Variants in ILDR2 observed in about 807,000 individuals in gnomAD.
ILDR2 encodes the protein immunoglobulin like domain containing receptor 2, also known as immunoglobulin-like domain-containing receptor 2.
A neutral mutation model predicts 66.8 loss-of-function variants in ILDR2; 25 were observed. The ratio of observed to expected loss-of-function variants is 0.37; its 90% CI spans 0.27 to 0.52. The LOEUF is 0.52. Among genes scored for constraint, ILDR2 ranks in the 20% least tolerant of loss-of-function variants. ILDR2 has a pLI of 0.88. For synonymous variants in ILDR2, 367 were observed against 357.2 expected, an observed-to-expected ratio of 1.03 and a Z score of -0.31; for missense variants, 827 against 876.8, an observed-to-expected ratio of 0.94 and a Z score of 0.72.
chr1:166,961,496 G>C (rs1662612454), intron 1 of ILDR2, among the ~76,000 whole-genome samples: 1 of 152,164 alleles, frequency 6.6e-6, no homozygotes, highest in African/African-American at 2.4e-5. Context: ...GATACTTAAA[G>C]GCATGGATTT....
At chr1:166,928,558 G>A (rs1226405161) in intron 6 of ILDR2, among the ~76,000 whole-genome samples, 4 of 152,122 alleles carry the variant, frequency 2.6e-5, no homozygotes, top group Non-Finnish European at 4.4e-5. Context: ...TCCCAAAGTG[G>A]GGCAAACACC....
Position 166,912,635 on chromosome 1 carries a change from A to G in ILDR2, c.*6720T>C, listed in dbSNP as rs1324938459. On this transcript the variant is annotated 3_prime_UTR_variant, in exon 10 of 10. Coordinates refer to ENST00000271417, the MANE Select transcript of ILDR2 (RefSeq NM_199351.3). ...TTGAGCCCAGATGCTTCAAGCAAAAACAGATTTTCTGCTTGACAAGGCCAC... is the reference window on the plus strand; with the variant it reads ...TTGAGCCCAGATGCTTCAAGCAAAAGCAGATTTTCTGCTTGACAAGGCCAC... 4 of 152,198 alleles carry G rather than the reference A, an allele frequency of 2.6e-5. No homozygotes were observed. Among genetic ancestry groups the G allele is most frequent in the Non-Finnish European group, 2.9e-5 (2 of 68,030 alleles). 9.4% of individuals were successfully genotyped at this position (152,198 alleles called of 1,614,324 possible).
At position 166,909,160 on chromosome 1, in the gene ILDR2, G is replaced by C. The variant is rs74651046; in HGVS notation, c.*10195C>G. On this transcript the variant is annotated 3_prime_UTR_variant, in exon 10 of 10. Coordinates refer to ENST00000271417, the MANE Select transcript of ILDR2 (RefSeq NM_199351.3). ...ATGGGCACATGACTCAATATGAGTT[G>C]ACTGCAGTCTTTCTCCAGGATTGTT... 2.0e-5 allele frequency: 3 copies of C among 152,284 alleles called. No individual in the cohort carries two copies. Among genetic ancestry groups the C allele is most frequent in the African/African-American group, 7.2e-5 (3 of 41,548 alleles). 9.4% of individuals were successfully genotyped at this position (152,284 alleles called of 1,614,324 possible).
chr1:166,934,610 G>A (rs1660834026), intron 6 of ILDR2, among the ~76,000 whole-genome samples: 1 of 152,124 alleles, frequency 6.6e-6, no homozygotes, highest in South Asian at 2.1e-4. Context: ...GGGTTTCAAG[G>A]CCCTCCCCAG....
Position 166,918,431 on chromosome 1 carries a change from T to C in ILDR2, c.*924A>G, listed in dbSNP as rs892736952. On this transcript the variant is annotated 3_prime_UTR_variant, in exon 10 of 10. Transcript: ENST00000271417. Reference sequence around the variant, plus strand: ...AAATTCCTTCTCATTCTTTTCTATATGCATTACTGCTTTCTCCTCTTTCCT... The same window carrying C: ...AAATTCCTTCTCATTCTTTTCTATACGCATTACTGCTTTCTCCTCTTTCCT... The C allele has an allele frequency of 1.3e-5, 2 of 152,240 alleles. No homozygotes were observed. The highest frequency in any genetic ancestry group is 2.9e-5 in the Non-Finnish European group (2 of 68,038). 9.4% of individuals were successfully genotyped at this position (152,240 alleles called of 1,614,324 possible).
At position 166,958,064 on chromosome 1, in the gene ILDR2, C is replaced by T; in HGVS notation, c.84G>A (p.Lys28=). 1.2e-6 allele frequency: 2 copies of T among 1,612,734 alleles called. No homozygotes were observed. The highest frequency in any genetic ancestry group is 1.7e-6 in the Non-Finnish European group (2 of 1,178,816). ...GCTGGAAGAGCATGGCCACCTTCTT[C>T]TTGTCGGGCACTGTGACCTGAAGGC... ...VEGLQVTVPD[K]KKVAMLFQPT... is the part of the protein sequence containing the mutation. The change falls in exon 2 of 10, where the codon AAG becomes AAA. Residue 28 remains lysine, a synonymous_variant. Coordinates refer to ENST00000271417, the MANE Select transcript of ILDR2 (RefSeq NM_199351.3).
At chr1:166,950,051 A>G (rs1036279770) in intron 3 of ILDR2, among the ~76,000 whole-genome samples, 2 of 152,238 alleles carry the variant, frequency 1.3e-5, no homozygotes, top group Non-Finnish European at 2.9e-5. Context: ...CATAATCTGA[A>G]GCATATCTGA....
chr1:166,914,597 T>G lies in ILDR2; in HGVS notation c.*4758A>C, dbSNP rs1336626391. The G allele has an allele frequency of 6.6e-6, 1 of 152,220 alleles. No homozygotes were observed. Among genetic ancestry groups the G allele is most frequent in the Non-Finnish European group, 1.5e-5 (1 of 68,046 alleles). The allele number at this position is 152,220 out of a possible 1,614,324, so 9.4% of individuals were successfully genotyped here. ...AAAAATAACACAAATATTATTAGTA[T>G]TAACCTTCTCCCCTTCAAATAGTGC... On this transcript the variant is annotated 3_prime_UTR_variant, in exon 10 of 10. Transcript: ENST00000271417.
chr1:166,933,635 A>G, intron 6 of ILDR2: 1 of 626,982 alleles, frequency 1.6e-6, no homozygotes, highest in Non-Finnish European at 2.0e-6. Flanking sequence ...TATTCTATGA[A>G]TAAGAACAGT....
Position 166,919,082 on chromosome 1 carries a change from C to A in ILDR2, c.*273G>T. 4.1e-6 allele frequency: 2 copies of A among 483,154 alleles called. No homozygotes were observed. Among genetic ancestry groups the A allele is most frequent in the Non-Finnish European group, 7.3e-6 (2 of 273,040 alleles). 29.9% of individuals were successfully genotyped at this position (483,154 alleles called of 1,614,324 possible). On this transcript the variant is annotated 3_prime_UTR_variant, in exon 10 of 10. Coordinates refer to ENST00000271417, the MANE Select transcript of ILDR2 (RefSeq NM_199351.3). ...GGTTCTGTTAAGGGAGGAGGCTGGG[C>A]AGGATAAACGCTATAGTTGAGAAAC...
Position 166,939,712 on chromosome 1 carries a change from G to T in ILDR2, c.500-142C>A. The T allele has an allele frequency of 7.7e-6, 5 of 650,552 alleles. No individual in the cohort carries two copies. In the South Asian group the frequency reaches 9.3e-5, roughly 12 times the overall value. The allele number at this position is 650,552 out of a possible 1,614,324, so 40.3% of individuals were successfully genotyped here. A position where few individuals can be genotyped will look rare whatever the true frequency, so the allele number is the denominator to read the frequency against. On this transcript the variant is annotated intron_variant, in intron 3 of 9. Coordinates refer to ENST00000271417, the MANE Select transcript of ILDR2 (RefSeq NM_199351.3). Reference sequence around the variant, plus strand: ...GTGATATGAGAAGCACATCACCAAAGCTAGGCTGAGACAAGAGAATGACTT... The same window carrying T: ...GTGATATGAGAAGCACATCACCAAATCTAGGCTGAGACAAGAGAATGACTT...
chr1:166,965,526 C>T (rs971877285), intron 1 of ILDR2, among the ~76,000 whole-genome samples: 2 of 151,008 alleles, frequency 1.3e-5, no homozygotes, highest in African/African-American at 4.9e-5. Flanking sequence ...TAGCAATGCC[C>T]AACCTGTACA....
intron 6 of ILDR2, among the ~76,000 whole-genome samples, chr1:166,932,199 G>C (rs1261433099): frequency 1.3e-5 from 2 of 152,220 alleles, no homozygotes; most frequent in Non-Finnish European, 2.9e-5. Flanking sequence ...AAATGCTTTT[G>C]AGAAGTCAAA....
rs1314773336 is a variant in ILDR2 at position 166,909,143 on chromosome 1, A to G, written c.*10212T>C. 1.3e-5 allele frequency: 2 copies of G among 152,204 alleles called. No homozygotes were observed. The highest frequency in any genetic ancestry group is 2.9e-5 in the Non-Finnish European group (2 of 68,036). 9.4% of individuals were successfully genotyped at this position (152,204 alleles called of 1,614,324 possible). On this transcript the variant is annotated 3_prime_UTR_variant, in exon 10 of 10. Transcript: ENST00000271417. ...ACATGATTAGCTCAGATATGGGCAC[A>G]TGACTCAATATGAGTTGACTGCAGT...
chr1:166,967,425 G>A (rs1366692400), intron 1 of ILDR2, among the ~76,000 whole-genome samples: 2 of 152,188 alleles, frequency 1.3e-5, no homozygotes, highest in Non-Finnish European at 2.9e-5. Context: ...AAACGGAGGG[G>A]GAAGGGAGGG....
intron 1 of ILDR2, among the ~76,000 whole-genome samples, chr1:166,972,856 C>T (rs1415915136): frequency 6.6e-6 from 1 of 152,082 alleles, no homozygotes; most frequent in Non-Finnish European, 1.5e-5. Flanking sequence ...TTCTACCACC[C>T]CCTCAAAAGA....
At chr1:166,932,717 C>G (rs1237752421) in intron 6 of ILDR2, among the ~76,000 whole-genome samples, 1 of 152,174 alleles carries the variant, frequency 6.6e-6, no homozygotes, top group African/African-American at 2.4e-5. Context: ...ACTGGCTATA[C>G]TATACATAGT....
At chr1:166,922,064 T>A (rs1477802935) in intron 8 of ILDR2, among the ~76,000 whole-genome samples, 1 of 152,112 alleles carries the variant, frequency 6.6e-6, no homozygotes, top group Non-Finnish European at 1.5e-5. Context: ...TTTAGAGTTA[T>A]GAGAATTAAA....
Position 166,956,611 on chromosome 1 carries a change from T to A in ILDR2, c.499+122A>T, listed in dbSNP as rs149435472. 793 of 1,021,044 alleles carry A rather than the reference T, an allele frequency of 7.8e-4. 3 individuals are homozygous for A. The African/African-American group carries it at 8.3e-3, about 11-fold the overall frequency. 63.2% of individuals were successfully genotyped at this position (1,021,044 alleles called of 1,614,324 possible). ...AGCATATTCTAAAAGGGAGTGTGCA[T>A]GAAAGATAAGACTGTGTATGCAACC... On this transcript the variant is annotated intron_variant, in intron 3 of 9. Transcript: ENST00000271417.
Sources: allele counts gnomAD v4.1 joint callset (sites outside exome capture counted in the v4.1 genomes callset), GRCh38; gene constraint gnomAD v4.1.1; transcripts MANE v1.5; gene names NCBI Gene and HGNC (gene_info 2026-07-23, HGNC 2026-07-21).